GALNT14: variants seen among roughly 807,000 people sequenced by gnomAD.
The protein encoded by GALNT14 is polypeptide N-acetylgalactosaminyltransferase 14, also known as UDP-GalNAc:polypeptide N-acetylgalactosaminyltransferase 14.
A neutral mutation model predicts 77.5 loss-of-function variants in GALNT14; 60 were observed. The observed-to-expected ratio is 0.77, with a 90% CI of 0.63 to 0.96. The LOEUF (loss-of-function observed/expected upper bound fraction) is 0.96. Among genes scored for constraint, GALNT14 ranks in the 40% least tolerant of loss-of-function variants. GALNT14 has a pLI of 0.00. For missense variants in GALNT14, 710 were observed against 731.0 expected, an observed-to-expected ratio of 0.97 and a Z score of 0.33; for synonymous variants, 280 against 281.7, an observed-to-expected ratio of 0.99 and a Z score of 0.06.
At chr2:31,021,400 G>A (rs1018639956) in intron 1 of GALNT14, among the ~76,000 whole-genome samples, 1 of 151,860 alleles carries the variant, frequency 6.6e-6, no homozygotes, top group Non-Finnish European at 1.5e-5. Context: ...CGCCTCCTGG[G>A]TTCAAGCAAT....
intron 1 of GALNT14, among the ~76,000 whole-genome samples, chr2:31,107,818 T>C (rs1677632626): frequency 6.6e-6 from 1 of 151,996 alleles, no homozygotes; most frequent in African/African-American, 2.4e-5. Context: ...AACATGGTGC[T>C]TTCCATGGTG....
At chr2:31,061,318 T>TC (rs1674576350) in intron 1 of GALNT14, among the ~76,000 whole-genome samples, 1 of 152,170 alleles carries the variant, frequency 6.6e-6, no homozygotes, top group African/African-American at 2.4e-5. Context: ...TTTCTCTTTC[T>TC]CGACCATCAA....
intron 1 of GALNT14, chr2:31,129,583 A>G (rs1045126515): frequency 4.1e-6 from 4 of 985,386 alleles, no homozygotes; most frequent in Non-Finnish European, 4.8e-6. Context: ...AGATCCTAGG[A>G]AACAATAAGC....
In GALNT14 at chr2:30,910,908, C is replaced by T. The variant is rs1211441801; in HGVS notation, c.1652G>A (p.Ser551Asn). ...SLMSQHWDMV[S>N]S ...TGCTTCTGGCAGGGGTCCTCAAGAG[C>T]TCACCATGTCCCAGTGCTGGCTCAT... The change falls in exon 15 of 15, where the codon AGC becomes AAC. Residue 551 changes from serine to asparagine, a missense_variant. Transcript: ENST00000349752. 3 of 1,613,654 alleles carry T rather than the reference C, an allele frequency of 1.9e-6. No homozygotes were observed. The highest frequency in any genetic ancestry group is 2.5e-6 in the Non-Finnish European group (3 of 1,179,906).
intron 1 of GALNT14, among the ~76,000 whole-genome samples, chr2:31,010,661 C>T (rs1670972166): frequency 6.6e-6 from 1 of 152,110 alleles, no homozygotes; most frequent in Non-Finnish European, 1.5e-5. Context: ...CAGAATCCCT[C>T]CAGCGGCTCC....
intron 2 of GALNT14, among the ~76,000 whole-genome samples, chr2:30,987,516 G>A (rs553852130): frequency 4.2e-4 from 64 of 152,256 alleles, no homozygotes; most frequent in Non-Finnish European, 1.0e-4. Flanking sequence ...CTTCACAGGC[G>A]AAGAACCAAA....
intron 1 of GALNT14, among the ~76,000 whole-genome samples, chr2:30,999,441 C>T (rs939692447): frequency 3.3e-5 from 5 of 152,182 alleles, no homozygotes; most frequent in African/African-American, 1.2e-4. Flanking sequence ...TTTCCCAGAT[C>T]TTCCAACCCC....
At chr2:31,034,553 GT>G (rs201405928) in intron 1 of GALNT14, among the ~76,000 whole-genome samples, 1 of 149,112 alleles carries the variant, frequency 6.7e-6, no homozygotes, top group African/African-American at 2.5e-5. Context: ...TTTTCTAGTT[GT>G]TTTGTTTTTT....
chr2:30,919,656 C>A (rs77718763), intron 13 of GALNT14, among the ~76,000 whole-genome samples: 3,488 of 152,312 alleles, frequency 0.023, 147 homozygotes, highest in African/African-American at 0.079. Flanking sequence ...ACTTTACCTG[C>A]GGCTTTGCTT....
intron 1 of GALNT14, among the ~76,000 whole-genome samples, chr2:31,006,166 G>T (rs901345373): frequency 2.0e-5 from 3 of 152,178 alleles, no homozygotes; most frequent in Non-Finnish European, 4.4e-5. Context: ...CACTCACGAG[G>T]AATGTGTTTA....
intron 1 of GALNT14, among the ~76,000 whole-genome samples, chr2:31,005,205 C>CT (rs1464175501): frequency 6.6e-6 from 1 of 152,166 alleles, no homozygotes; most frequent in East Asian, 1.9e-4. Flanking sequence ...TCAAGGGATC[C>CT]TTTGTTGTTT....
chr2:30,949,632 C>T (rs1046226674), intron 6 of GALNT14, among the ~76,000 whole-genome samples: 1 of 152,320 alleles, frequency 6.6e-6, no homozygotes, highest in Middle Eastern at 3.4e-3. Context: ...ATCTACCACC[C>T]CTGCCATCAG....
At chr2:31,124,352 A>G (rs895986940) in intron 1 of GALNT14, among the ~76,000 whole-genome samples, 1 of 152,196 alleles carries the variant, frequency 6.6e-6, no homozygotes, top group Non-Finnish European at 1.5e-5. Context: ...CAAAGTGGAA[A>G]GTGAGGCTGA....
downstream of GALNT14, among the ~76,000 whole-genome samples, chr2:30,909,145 A>T (rs887993036): frequency 1.3e-5 from 2 of 151,920 alleles, no homozygotes; most frequent in African/African-American, 4.8e-5. Flanking sequence ...GGACATAGGC[A>T]CGGGCAAGGA....
rs1245318419 is a variant in GALNT14 at position 30,983,995 on chromosome 2, C to A, written c.299+8843G>T. On this transcript the variant is annotated intron_variant, in intron 2 of 14. Coordinates refer to ENST00000349752, the MANE Select transcript of GALNT14 (RefSeq NM_024572.4). ...TCCCCTAACCTCTCTGAGCCCGGGT[C>A]CCCTGACCTAGGTGTGGAGTTAATC... Among the ~76,000 whole-genome samples the A allele has an allele frequency of 6.6e-5, 10 of 152,308 alleles. No individual in the cohort carries two copies. The East Asian group carries it at 1.2e-3, about 18-fold the overall frequency.
At chr2:30,943,314 C>G (rs752244385) in intron 8 of GALNT14, among the ~76,000 whole-genome samples, 3 of 152,188 alleles carry the variant, frequency 2.0e-5, no homozygotes, top group Non-Finnish European at 2.9e-5. Context: ...GGAGCAGATT[C>G]CAAGCTAATA....
chr2:30,987,703 TCCTCCCTCC>T (rs1386778567), intron 2 of GALNT14, among the ~76,000 whole-genome samples: 2 of 78,524 alleles, frequency 2.5e-5, no homozygotes, highest in East Asian at 3.7e-4. Context: ...ACAGCCTTCC[TCCTCCCTCC>T]CCCTCCTCCC....
At chr2:31,135,171 C>A (rs1427607023) in intron 1 of GALNT14, among the ~76,000 whole-genome samples, 1 of 152,162 alleles carries the variant, frequency 6.6e-6, no homozygotes, top group Non-Finnish European at 1.5e-5. Context: ...TCCCAAATGC[C>A]ACCCATCAAT....
chr2:30,963,530 G>A (rs72855219), intron 3 of GALNT14, among the ~76,000 whole-genome samples: 3,749 of 152,254 alleles, frequency 0.025, 61 homozygotes, highest in East Asian at 0.057. Flanking sequence ...AGGTACCCTC[G>A]AGGACATAAA....
Sources: allele counts gnomAD v4.1 joint callset (sites outside exome capture counted in the v4.1 genomes callset), GRCh38; gene constraint gnomAD v4.1.1; transcripts MANE v1.5; gene names NCBI Gene and HGNC (gene_info 2026-07-23, HGNC 2026-07-21).